PIEZO1: variants seen among roughly 807,000 people sequenced by gnomAD.
PIEZO1 encodes piezo type mechanosensitive ion channel component 1 (Er blood group).
In PIEZO1, 296 loss-of-function variants were observed where a neutral mutation model predicts 297.2. The observed-to-expected ratio is 1.00, with a 90% confidence interval of 0.91 to 1.10. The LOEUF is 1.10. PIEZO1 is among the 50% of genes least tolerant of loss of function. PIEZO1 has a pLI of 0.00. For missense variants in PIEZO1, 5,018 were observed against 3,455.5 expected, an observed-to-expected ratio of 1.45 and a Z score of -11.34; for synonymous variants, 2,427 against 1,507.5, an observed-to-expected ratio of 1.61 and a Z score of -14.13.
intron 44 of PIEZO1, 134 bp downstream of exon 44, chr16:88,719,440 G>A (rs986657100): frequency 3.0e-5 from 23 of 778,136 alleles, no homozygotes; most frequent in Non-Finnish European, 4.1e-5. Flanking sequence ...GGGTGGGCTC[G>A]CCTCATGTCC....
In PIEZO1 at chr16:88,716,835, C is replaced by T; in HGVS notation, c.6724G>A (p.Glu2242Lys). ...IIPFTAQAYEELSRQFDPQPL... is the reference protein window; with the variant it reads ...IIPFTAQAYEKLSRQFDPQPL... Reference sequence around the variant, plus strand: ...TGGGGGTCAAACTGCCGGGACAGCTCCTCATAGGCCTGGGCCGTGAAGGGG... The same window carrying T: ...TGGGGGTCAAACTGCCGGGACAGCTTCTCATAGGCCTGGGCCGTGAAGGGG... The change falls in exon 46 of 51, where the codon GAG (glutamate) becomes AAG (lysine). Residue 2242 changes from glutamate (E) to lysine (K), a missense_variant. By Grantham distance (56) the Glu-to-Lys change is moderately conservative. Transcript: ENST00000301015. 3.2e-6 allele frequency: 5 copies of T among 1,550,146 alleles called. No individual in the cohort carries two copies. Among genetic ancestry groups the T allele is most frequent in the Middle Eastern group, 1.7e-4 (1 of 5,992 alleles).
intron 1 of PIEZO1, 91 bp from the exon 2 acceptor site, chr16:88,749,570 C>G: frequency 1.0e-6 from 1 of 971,098 alleles, no homozygotes; most frequent in Non-Finnish European, 1.5e-6. Flanking sequence ...GCTCGTCACA[C>G]CGCCGAGGCC....
chr16:88,721,842 T>C lies in PIEZO1; in HGVS notation c.5180A>G (p.Lys1727Arg), dbSNP rs1480608834. 1.9e-6 allele frequency: 3 copies of C among 1,548,892 alleles called. No individual in the cohort carries two copies. Among genetic ancestry groups the C allele is most frequent in the African/African-American group, 1.4e-5 (1 of 73,010 alleles). The change falls in exon 37 of 51, where the codon AAG becomes AGG. Residue 1727 changes from lysine (K) to arginine (R), a missense_variant. Coordinates refer to ENST00000301015, the MANE Select transcript of PIEZO1 (RefSeq NM_001142864.4). ...GACGATGGCCGTCATCCAGAAGCGC[T>C]TGCTGGGCCTCGGGATCGACAGCAT... ...WAMLSIPRPS[K>R]RFWMTAIVFT...
chr16:88,731,383 CG>C (rs1225523017), intron 22 of PIEZO1: 1 of 332,028 alleles, frequency 3.0e-6, no homozygotes, highest in Non-Finnish European at 5.6e-6. Context: ...TGAGGCATCA[CG>C]GCCGACCCGC....
intron 1 of PIEZO1, among the ~76,000 whole-genome samples, chr16:88,762,669 C>T (rs1013192302): frequency 3.3e-5 from 5 of 152,222 alleles, no homozygotes; most frequent in Non-Finnish European, 5.9e-5. Context: ...AGTGCTGTGT[C>T]GGCCCTGACC....
At chr16:88,737,893 G>A (rs547769754) in intron 8 of PIEZO1, 41 bp downstream of exon 8, 83 of 1,531,688 alleles carry the variant, frequency 5.4e-5, no homozygotes, top group Non-Finnish European at 1.0e-5. Context: ...CAGCCCCATG[G>A]CCTGGCCTCA....
At chr16:88,776,141 G>A (rs187284931) in intron 1 of PIEZO1, among the ~76,000 whole-genome samples, 1 of 152,302 alleles carries the variant, frequency 6.6e-6, no homozygotes, top group Non-Finnish European at 1.5e-5. Flanking sequence ...GTGCACAGAA[G>A]GAACCAAATG....
chr16:88,748,261 G>C (rs1906166818), intron 2 of PIEZO1, among the ~76,000 whole-genome samples: 1 of 11,892 alleles, frequency 8.4e-5, no homozygotes, highest in African/African-American at 3.3e-4. Flanking sequence ...AGGTCTCTGA[G>C]TGTTTGCTCC....
intron 1 of PIEZO1, 74 bp from the exon 2 acceptor site, chr16:88,749,553 C>G (rs530056696): frequency 8.9e-7 from 1 of 1,121,214 alleles, no homozygotes; most frequent in South Asian, 1.5e-5. Context: ...AGCGCACCCA[C>G]GGCCCAGCTC....
At chr16:88,731,436 A>G (rs961552726) in intron 22 of PIEZO1, 9 of 486,338 alleles carry the variant, frequency 1.9e-5, no homozygotes, top group Non-Finnish European at 3.0e-5. Context: ...TGTGACTCAC[A>G]ACTTTCCTGA....
intron 1 of PIEZO1, among the ~76,000 whole-genome samples, chr16:88,754,635 A>G (rs1178492246): frequency 6.6e-6 from 1 of 152,130 alleles, no homozygotes; most frequent in African/African-American, 2.4e-5. Flanking sequence ...GGCTTTCACA[A>G]CCTGGACACC....
rs916310338 is a variant in PIEZO1 at position 88,725,073 on chromosome 16, G to A, written c.4170C>T (p.Asp1390=). 6 of 1,511,620 alleles carry A rather than the reference G, an allele frequency of 4.0e-6. No homozygotes were observed. Among genetic ancestry groups the A allele is most frequent in the South Asian group, 2.6e-5 (2 of 77,896 alleles). 93.6% of individuals were successfully genotyped at this position (1,511,620 alleles called of 1,614,324 possible). A position where few individuals can be genotyped will look rare whatever the true frequency, so the allele number is the denominator to read the frequency against. ...GTGGCGGGGAGGAGCCCCCTGGACT[G>A]TCGGGCCCTGTGGAGGGGCAGGGTG... ...PKDPGLEPGP[D]SPGGSSPPRR... Residue 1390 remains aspartate (D), a synonymous_variant, in exon 30 of 51, where the codon GAC becomes GAT. Coordinates refer to ENST00000301015, the MANE Select transcript of PIEZO1 (RefSeq NM_001142864.4).
chr16:88,769,584 C>G (rs1907329559), intron 1 of PIEZO1, among the ~76,000 whole-genome samples: 1 of 152,240 alleles, frequency 6.6e-6, no homozygotes. Flanking sequence ...GAGCCCCCAC[C>G]TCACATCGGC....
intron 1 of PIEZO1, among the ~76,000 whole-genome samples, chr16:88,750,519 G>C (rs958975131): frequency 6.6e-6 from 1 of 152,190 alleles, no homozygotes; most frequent in Non-Finnish European, 1.5e-5. Context: ...AGAAGGTCCC[G>C]GGGCCTGGCC....
rs762878058 is a variant in PIEZO1, at chr16:88,720,410, A to G, written c.5924T>C (p.Ile1975Thr). Residue 1975 changes from isoleucine to threonine, a missense_variant, in exon 41 of 51, where the codon ATC becomes ACC. Transcript: ENST00000301015. ...FLADVVDFIIIIFGFWAFGKH... is the reference protein window; with the variant it reads ...FLADVVDFIITIFGFWAFGKH... ...CCCAAAGGCCCAGAAGCCAAAAATG[A>G]TGATGATGAAGTCGACAACATCAGC... The G allele has an allele frequency of 2.6e-5, 41 of 1,550,324 alleles. No homozygotes were observed. The highest frequency in any genetic ancestry group is 1.2e-4 in the South Asian group (10 of 84,040).
intron 2 of PIEZO1, among the ~76,000 whole-genome samples, chr16:88,746,871 G>A (rs919968698): frequency 9.2e-5 from 14 of 152,234 alleles, no homozygotes; most frequent in Admixed American, 9.2e-4. Flanking sequence ...CGAAACGCCA[G>A]GGGCCTGGGA....
intron 1 of PIEZO1, among the ~76,000 whole-genome samples, chr16:88,751,338 C>A (rs1351928740): frequency 6.6e-6 from 1 of 152,236 alleles, no homozygotes; most frequent in African/African-American, 2.4e-5. Context: ...GACGCTTGCA[C>A]CTGAAAGGGT....
Position 88,751,674 on chromosome 16 carries a change from T to TA in PIEZO1, c.65-2196dup, listed in dbSNP as rs35999205. On this transcript the variant is annotated intron_variant, in intron 1 of 50. Transcript: ENST00000301015. ...TTTTTTGACGATTATACATTTTCATTAAAAAAAAAAAAAATCCCTAAGATC... is the reference window on the plus strand; with the variant it reads ...TTTTTTGACGATTATACATTTTCATTAAAAAAAAAAAAAAATCCCTAAGATC... Among the ~76,000 whole-genome samples, 340 of 146,458 alleles carry TA rather than the reference T, an allele frequency of 2.3e-3. 1 individual carries two copies. The highest frequency in any genetic ancestry group is 0.016 in the East Asian group (80 of 5,052).
chr16:88,753,971 T>C (rs957339541), intron 1 of PIEZO1, among the ~76,000 whole-genome samples: 1 of 152,230 alleles, frequency 6.6e-6, no homozygotes, highest in Non-Finnish European at 1.5e-5. Flanking sequence ...CCCTGCCCTG[T>C]GGCTCCCATG....
Sources: allele counts gnomAD v4.1 joint callset (sites outside exome capture counted in the v4.1 genomes callset), GRCh38; gene constraint gnomAD v4.1.1; transcripts MANE v1.5; gene names NCBI Gene and HGNC (gene_info 2026-07-23, HGNC 2026-07-21).